The following CDH12 variants were observed in gnomAD, a reference collection of about 807,000 sequenced individuals.
The protein encoded by CDH12 is cadherin-12.
In CDH12, 41 loss-of-function variants were observed where a neutral mutation model predicts 74.1. That is an observed-to-expected ratio of 0.55 (90% CI 0.43 to 0.72). CDH12 has a LOEUF of 0.72. Ranked by LOEUF, CDH12 falls within the 30% of genes least tolerant of loss-of-function variation. The pLI, the probability that CDH12 is intolerant of heterozygous loss-of-function variation, is 0.00. For missense variants in CDH12, 945 were observed against 977.2 expected (o/e 0.97, Z 0.44); for synonymous variants, 399 against 355.0 (o/e 1.12, Z -1.39).
intron 3 of CDH12, among the ~76,000 whole-genome samples, chr5:22,306,261 A>G (rs1047054957): frequency 6.6e-6 from 1 of 152,164 alleles, no homozygotes; most frequent in African/African-American, 2.4e-5. Context: ...GAGTGTAACA[A>G]AGGAATGCAC....
chr5:22,165,794 T>C (rs912000845), intron 4 of CDH12, among the ~76,000 whole-genome samples: 1 of 152,124 alleles, frequency 6.6e-6, no homozygotes, highest in African/African-American at 2.4e-5. Flanking sequence ...AAAACCAAGA[T>C]GGCGAGGAGA....
chr5:22,627,739 T>G, intron 1 of CDH12, among the ~76,000 whole-genome samples: 1 of 152,100 alleles, frequency 6.6e-6, no homozygotes, highest in East Asian at 1.9e-4. Flanking sequence ...CATATCAATA[T>G]TACCCTTGAA....
intron 5 of CDH12, among the ~76,000 whole-genome samples, chr5:21,982,467 A>C (rs1030174914): frequency 5.3e-5 from 8 of 151,788 alleles, no homozygotes; most frequent in East Asian, 3.9e-4. Flanking sequence ...ATTGATATAT[A>C]TATACCTATA....
chr5:22,848,197 T>A lies in CDH12; in HGVS notation c.-523+4861A>T, dbSNP rs763393497. ...TTTGACATGTTAACCTTTTGAAATA[T>A]GATGGCAAAACTTTCATCACAATGT... On this transcript the variant is annotated intron_variant, in intron 1 of 14. Transcript: ENST00000382254. Among the ~76,000 whole-genome samples, 3 of 152,332 alleles carry A rather than the reference T, an allele frequency of 2.0e-5. No homozygotes were observed. In the South Asian group the frequency reaches 6.2e-4, roughly 32 times the overall value.
At chr5:22,651,760 A>C (rs1410687962) in intron 1 of CDH12, among the ~76,000 whole-genome samples, 4 of 152,042 alleles carry the variant, frequency 2.6e-5, no homozygotes, top group Admixed American at 6.6e-5. Context: ...TGGATGCACA[A>C]AGATGCCCAA....
chr5:21,775,835 C>T (rs921772806), intron 11 of CDH12, among the ~76,000 whole-genome samples: 1 of 151,920 alleles, frequency 6.6e-6, no homozygotes, highest in African/African-American at 2.4e-5. Flanking sequence ...ATTTTCAGTG[C>T]CTAGAGGCCA....
intron 3 of CDH12, among the ~76,000 whole-genome samples, chr5:22,239,968 T>A (rs768284158): frequency 1.2e-4 from 18 of 152,154 alleles, no homozygotes; most frequent in Admixed American, 2.6e-4. Flanking sequence ...TCCCGGTACT[T>A]CTTCTTATAA....
chr5:22,114,529 C>T (rs1033989449), intron 4 of CDH12, among the ~76,000 whole-genome samples: 3 of 152,066 alleles, frequency 2.0e-5, no homozygotes, highest in Admixed American at 6.6e-5. Context: ...ATTAAACAGT[C>T]TCCTTATTCT....
At chr5:21,887,727 G>A (rs1053422857) in intron 6 of CDH12, among the ~76,000 whole-genome samples, 1 of 151,992 alleles carries the variant, frequency 6.6e-6, no homozygotes. Flanking sequence ...TTCCCTGCTG[G>A]CATCTAGAAA....
At chr5:22,299,806 A>AT (rs1453078771) in intron 3 of CDH12, among the ~76,000 whole-genome samples, 1 of 151,944 alleles carries the variant, frequency 6.6e-6, no homozygotes, top group Non-Finnish European at 1.5e-5. Context: ...CTTCATTCTT[A>AT]TTTTTCTTGA....
chr5:22,557,772 T>C (rs1306233177), intron 1 of CDH12, among the ~76,000 whole-genome samples: 1 of 152,088 alleles, frequency 6.6e-6, no homozygotes, highest in Non-Finnish European at 1.5e-5. Flanking sequence ...TAGAAGCTTG[T>C]ATTATGAAGA....
At chr5:22,442,291 C>T (rs566839126) in intron 2 of CDH12, among the ~76,000 whole-genome samples, 8 of 152,096 alleles carry the variant, frequency 5.3e-5, no homozygotes, top group Admixed American at 2.0e-4. Flanking sequence ...ATAAAAATGA[C>T]GAGTAGCTAT....
chr5:22,675,817 G>C (rs1298371948), intron 1 of CDH12, among the ~76,000 whole-genome samples: 1 of 121,054 alleles, frequency 8.3e-6, no homozygotes, highest in African/African-American at 3.0e-5. Context: ...GTGTGAAAAT[G>C]AACTAATACA....
chr5:22,419,571 T>C (rs1743548593), intron 2 of CDH12, among the ~76,000 whole-genome samples: 1 of 152,214 alleles, frequency 6.6e-6, no homozygotes, highest in African/African-American at 2.4e-5. Flanking sequence ...TTGGATTGAA[T>C]CCATGCCTTT....
intron 1 of CDH12, among the ~76,000 whole-genome samples, chr5:22,714,196 T>C (rs1743445791): frequency 6.6e-6 from 1 of 152,204 alleles, no homozygotes; most frequent in South Asian, 2.1e-4. Context: ...CTAGTTTTTG[T>C]ATTTTCTAAT....
chr5:22,267,693 A>G (rs183916590), intron 3 of CDH12, among the ~76,000 whole-genome samples: 27 of 152,284 alleles, frequency 1.8e-4, no homozygotes, highest in African/African-American at 6.3e-4. Context: ...ACTAGTGACT[A>G]TAACAGATAG....
intron 8 of CDH12, among the ~76,000 whole-genome samples, chr5:21,839,175 A>T (rs1053317365): frequency 2.0e-5 from 3 of 152,168 alleles, no homozygotes; most frequent in Non-Finnish European, 4.4e-5. Flanking sequence ...TAGTGTCGAG[A>T]TCATATTAGT....
At chr5:22,226,881 T>G (rs957535515) in intron 3 of CDH12, among the ~76,000 whole-genome samples, 45 of 152,122 alleles carry the variant, frequency 3.0e-4, no homozygotes, top group African/African-American at 1.1e-3. Flanking sequence ...TTTCACGGCT[T>G]AGAACTGGCC....
rs1200617284 is a variant in CDH12 at position 22,698,719 on chromosome 5, ATATATATATATATATAGTGTGTGT to A, written c.-523+154315_-523+154338del. ...TATATATATATATATATATATATAT[ATATATATATATATATAGTGTGTGT>A]GTGTGTGTGTGTGTGTGTGTGTGTG... On this transcript the variant is annotated intron_variant, in intron 1 of 14. Transcript: ENST00000382254. 8.6e-3 allele frequency among the ~76,000 whole-genome samples: 200 copies of A among 23,220 alleles called. 19 individuals carry two copies. Among genetic ancestry groups the A allele is most frequent in the African/African-American group, 0.039 (182 of 4,690 alleles). The allele number at this position is 23,220 out of a possible 152,430, so 15.2% of individuals were successfully genotyped here. A position where few individuals can be genotyped will look rare whatever the true frequency, so the allele number is the denominator to read the frequency against.
Sources: gnomAD v4.1 joint callset for allele counts (sites outside exome capture counted in the v4.1 genomes callset) on GRCh38, gnomAD v4.1.1 for gene constraint, MANE v1.5 for transcripts, NCBI Gene and HGNC (gene_info 2026-07-23, HGNC 2026-07-21) for gene names.